Variants in DPY30 observed in about 807,000 individuals in gnomAD.
The protein encoded by DPY30 is dpy-30 histone methyltransferase complex regulatory subunit.
Under a neutral mutation model 16.2 loss-of-function variants are expected in DPY30, and 6 were observed. That is an observed-to-expected ratio of 0.37 (90% confidence interval 0.20 to 0.73). DPY30 has a LOEUF of 0.73. DPY30 is among the 30% of genes least tolerant of loss of function. The pLI is 0.51. For missense variants in DPY30, 73 were observed against 113.1 expected (o/e 0.65, Z 1.61); for synonymous variants, 39 against 38.8 (o/e 1.00, Z -0.02).
At chr2:32,025,462 C>CA (rs1364272041) in intron 4 of DPY30, among the ~76,000 whole-genome samples, 41 of 147,456 alleles carry the variant, frequency 2.8e-4, no homozygotes, top group East Asian at 8.0e-4. Flanking sequence ...GATTCCGTCT[C>CA]AAAAAAAAAA....
At chr2:32,012,410 C>CTCTTTTT (rs1558579368) in intron 5 of DPY30, among the ~76,000 whole-genome samples, 2 of 143,298 alleles carry the variant, frequency 1.4e-5, no homozygotes, top group Non-Finnish European at 3.0e-5. Context: ...CAAAACCTCT[C>CTCTTTTT]TCTTTTTTCT....
downstream of DPY30, among the ~76,000 whole-genome samples, chr2:32,019,133 A>G (rs906229074): frequency 4.6e-5 from 7 of 151,896 alleles, no homozygotes; most frequent in African/African-American, 1.7e-4. Flanking sequence ...TCGCTCTATC[A>G]CCCAGGCTGG....
At chr2:32,030,790 C>T (rs1675510153) in intron 3 of DPY30, among the ~76,000 whole-genome samples, 1 of 151,856 alleles carries the variant, frequency 6.6e-6, no homozygotes, top group African/African-American at 2.4e-5. Flanking sequence ...CAAAGCAAGG[C>T]CCTGTCTCTA....
intron 5 of DPY30, among the ~76,000 whole-genome samples, chr2:32,014,053 G>A (rs1675018470): frequency 6.6e-6 from 1 of 152,028 alleles, no homozygotes. Flanking sequence ...AGGGAGGGGA[G>A]GGAGGAAGGG....
chr2:32,030,535 C>T (rs955251091), intron 3 of DPY30, among the ~76,000 whole-genome samples: 3 of 150,404 alleles, frequency 2.0e-5, no homozygotes, highest in Non-Finnish European at 4.4e-5. Flanking sequence ...GAGGCTGAAG[C>T]AGGAGAATGG....
chr2:32,024,651 CA>C (rs1675265776), intron 4 of DPY30, among the ~76,000 whole-genome samples: 1 of 152,164 alleles, frequency 6.6e-6, no homozygotes, highest in Admixed American at 6.6e-5. Context: ...GAAAATTCAT[CA>C]AGCTGTATAC....
intron 3 of DPY30, among the ~76,000 whole-genome samples, chr2:32,030,558 A>G (rs1032339513): frequency 2.7e-5 from 4 of 149,250 alleles, no homozygotes; most frequent in African/African-American, 9.9e-5. Flanking sequence ...TGAACCTGGG[A>G]GGCGGAGCTT....
intron 1 of DPY30, 97 bp downstream of exon 1, chr2:32,039,636 C>G (rs925862279): frequency 4.4e-6 from 3 of 686,554 alleles, no homozygotes; most frequent in Non-Finnish European, 7.4e-6. Context: ...CAGAGTGGGA[C>G]AGTCCACGAC....
downstream of DPY30, among the ~76,000 whole-genome samples, chr2:32,019,248 G>A (rs1032671140): frequency 2.6e-5 from 4 of 152,068 alleles, no homozygotes; most frequent in South Asian, 4.2e-4. Context: ...ACGCCCCACC[G>A]CACCCAGCTA....
downstream of DPY30, among the ~76,000 whole-genome samples, chr2:32,019,520 T>C (rs1274010115): frequency 6.6e-6 from 1 of 151,396 alleles, no homozygotes; most frequent in African/African-American, 2.4e-5. Context: ...CAAAAAAATA[T>C]ATATATAGTA....
chr2:32,021,039 C>G (rs1420351915), downstream of DPY30: 1 of 151,932 alleles, frequency 6.6e-6, no homozygotes, highest in East Asian at 1.9e-4. Context: ...GAGGCCGAGG[C>G]GGACAGATTG....
intron 4 of DPY30, among the ~76,000 whole-genome samples, chr2:32,024,861 TTC>T (rs1196745824): frequency 6.6e-6 from 1 of 152,194 alleles, no homozygotes; most frequent in Non-Finnish European, 1.5e-5. Context: ...AAGTCAATAA[TTC>T]TATTTAATAC....
intron 5 of DPY30, among the ~76,000 whole-genome samples, chr2:32,014,551 T>G (rs1675027011): frequency 6.6e-6 from 1 of 151,762 alleles, no homozygotes; most frequent in Non-Finnish European, 1.5e-5. Context: ...TGGTGCGGTC[T>G]CGGCTCACTG....
intron 3 of DPY30, among the ~76,000 whole-genome samples, chr2:32,031,284 G>A (rs991338124): frequency 6.6e-6 from 1 of 151,990 alleles, no homozygotes; most frequent in African/African-American, 2.4e-5. Context: ...GCCGGGCGTG[G>A]TAGTGCACAC....
intron 3 of DPY30, among the ~76,000 whole-genome samples, chr2:32,038,522 C>G (rs1006014453): frequency 6.6e-6 from 1 of 151,312 alleles, no homozygotes; most frequent in Non-Finnish European, 1.5e-5. Flanking sequence ...CCAGCTCCAG[C>G]AATACTCTCA....
chr2:32,033,262 C>A (rs953434284), intron 3 of DPY30, among the ~76,000 whole-genome samples: 5 of 151,070 alleles, frequency 3.3e-5, no homozygotes. Flanking sequence ...GAGCCGAGAT[C>A]GCACCGTTGC....
chr2:32,022,482 A>T (rs554202786), downstream of DPY30, among the ~76,000 whole-genome samples: 15 of 151,984 alleles, frequency 9.9e-5, no homozygotes, highest in South Asian at 2.9e-3. Flanking sequence ...ATTATAAGGC[A>T]TACCTAATCA....
intron 5 of DPY30, among the ~76,000 whole-genome samples, chr2:32,014,661 T>A (rs1675029884): frequency 6.6e-6 from 1 of 152,168 alleles, no homozygotes; most frequent in African/African-American, 2.4e-5. Flanking sequence ...TTTTTTGTAT[T>A]TTTAGTAGAG....
intron 4 of DPY30, among the ~76,000 whole-genome samples, chr2:32,027,266 G>C (rs1675366200): frequency 8.9e-6 from 1 of 112,276 alleles, no homozygotes; most frequent in African/African-American, 3.5e-5. Context: ...CAGAGACTCT[G>C]TCTCAAAAAA....
Sources: gnomAD v4.1 joint callset for allele counts (sites outside exome capture counted in the v4.1 genomes callset) on GRCh38, gnomAD v4.1.1 for gene constraint, MANE v1.5 for transcripts, NCBI Gene and HGNC (gene_info 2026-07-23, HGNC 2026-07-21) for gene names.